Variants in BRAF observed in about 807,000 individuals in gnomAD.
BRAF encodes serine/threonine-protein kinase B-raf.
A neutral mutation model predicts 104.6 loss-of-function variants in BRAF; 16 were observed. The ratio of observed to expected loss-of-function variants is 0.15; its 90% confidence interval spans 0.10 to 0.23. BRAF has a LOEUF of 0.23. Among genes scored for constraint, BRAF ranks in the 10% least tolerant of loss-of-function variants. The probability of loss-of-function intolerance (pLI) is 1.00; values close to 1 mark genes in which losing one functional copy is unlikely to be tolerated. For synonymous variants in BRAF, 310 were observed against 341.6 expected, an observed-to-expected ratio of 0.91 and a Z score of 1.02; for missense variants, 541 against 937.3, an observed-to-expected ratio of 0.58 and a Z score of 5.52.
intron 1 of BRAF, among the ~76,000 whole-genome samples, chr7:140,875,071 A>G (rs1478814425): frequency 1.3e-5 from 2 of 152,164 alleles, no homozygotes; most frequent in Non-Finnish European, 2.9e-5. Flanking sequence ...CCATGAGCCA[A>G]CTGAATCTCT....
At chr7:140,770,090 T>C (rs1291698204) in intron 14 of BRAF, among the ~76,000 whole-genome samples, 1 of 152,206 alleles carries the variant, frequency 6.6e-6, no homozygotes, top group African/African-American at 2.4e-5. Context: ...CTCAGGCATT[T>C]TGCCAATTCC....
chr7:140,924,624 G>A lies in BRAF; in HGVS notation c.80C>T (p.Ala27Val), dbSNP rs1206505128. The A allele has an allele frequency of 1.3e-6, 2 of 1,520,870 alleles. No homozygotes were observed. The highest frequency in any genetic ancestry group is 2.5e-5 in the East Asian group (1 of 40,426). 94.2% of individuals were successfully genotyped at this position (1,520,870 alleles called of 1,614,324 possible). Residue 27 changes from alanine to valine, a missense_variant, in exon 1 of 20, where the codon GCC becomes GTC. By Grantham distance (64) the Ala-to-Val change is moderately conservative (BLOSUM62 0). This residue lies in a region of BRAF where 82 missense variants were observed against 65.9 expected (regional missense o/e 1.24). Transcript: ENST00000644969. The surrounding 1 kb of genome is among the most constrained non-coding windows in gnomAD (Gnocchi z 4.2). ...ALFNGDMEPE[A>V]GAGAGAAASS... ...GGCCGCGGCGCCGGCGCCGGCGCCGGCCTCGGGCTCCATGTCCCCGTTGAA... is the reference window on the plus strand; with the variant it reads ...GGCCGCGGCGCCGGCGCCGGCGCCGACCTCGGGCTCCATGTCCCCGTTGAA...
intron 5 of BRAF, among the ~76,000 whole-genome samples, chr7:140,804,405 T>TG (rs1803445425): frequency 2.0e-5 from 3 of 148,718 alleles, no homozygotes; most frequent in Admixed American, 6.6e-5. Context: ...GGTTTTTTTT[T>TG]TGGGGGGGGT....
intron 3 of BRAF, among the ~76,000 whole-genome samples, chr7:140,810,511 G>A (rs1332514792): frequency 6.6e-6 from 1 of 152,080 alleles, no homozygotes. Context: ...CAGAGGTTGC[G>A]GCAAGCCAAA....
At chr7:140,734,499 A>G (rs551449681) in intron 19 of BRAF, 5 of 1,602,982 alleles carry the variant, frequency 3.1e-6, no homozygotes, top group Admixed American at 3.3e-5. Flanking sequence ...CACCTTAAAA[A>G]AAAAGAGAGT....
At chr7:140,801,194 TA>T in intron 6 of BRAF, 1 of 522,352 alleles carries the variant, frequency 1.9e-6, no homozygotes, top group Admixed American at 3.6e-5. Context: ...AACGATAATA[TA>T]AAATATAAAT....
intron 3 of BRAF, among the ~76,000 whole-genome samples, chr7:140,830,885 C>T (rs751201382): frequency 2.6e-5 from 4 of 152,168 alleles, no homozygotes; most frequent in Non-Finnish European, 4.4e-5. Context: ...CTTGTAACAT[C>T]CTTTATAGCA....
At chr7:140,882,932 TGCA>T (rs1813109256) in intron 1 of BRAF, among the ~76,000 whole-genome samples, 1 of 151,744 alleles carries the variant, frequency 6.6e-6, no homozygotes, top group South Asian at 2.1e-4. Context: ...AGGCGGAGGC[TGCA>T]GTGAGCCAAG....
At chr7:140,829,103 T>C (rs1020010811) in intron 3 of BRAF, among the ~76,000 whole-genome samples, 7 of 152,210 alleles carry the variant, frequency 4.6e-5, no homozygotes, top group African/African-American at 1.7e-4. Context: ...AAGTGTTCTT[T>C]GTATATTCAG....
At chr7:140,740,118 C>T in intron 17 of BRAF, 172 bp from the exon 17 acceptor site, 1 of 668,646 alleles carries the variant, frequency 1.5e-6, no homozygotes, top group East Asian at 2.9e-5. Flanking sequence ...GTGGGAAACC[C>T]ACAAAAGGAG....
chr7:140,877,653 A>T (rs1812420534), intron 1 of BRAF, among the ~76,000 whole-genome samples: 2 of 152,142 alleles, frequency 1.3e-5, no homozygotes, highest in African/African-American at 4.8e-5. Flanking sequence ...CAATATCAGT[A>T]ATAAAAAAAC....
intron 5 of BRAF, among the ~76,000 whole-genome samples, chr7:140,804,352 A>C (rs1803437552): frequency 1.3e-5 from 2 of 150,234 alleles, no homozygotes; most frequent in East Asian, 3.9e-4. Context: ...CTATAGGCGC[A>C]CACCATCACA....
At chr7:140,842,203 G>T in intron 2 of BRAF, among the ~76,000 whole-genome samples, 1 of 152,186 alleles carries the variant, frequency 6.6e-6, no homozygotes, top group East Asian at 1.9e-4. Context: ...CGCATGGGCT[G>T]TAAATTCAGA....
chr7:140,725,881 C>G lies in BRAF; in HGVS notation c.*613G>C, dbSNP rs1795572964. ...CATGCCCTTTTCCTCCATACCAAGA[C>G]ACATCTACTCACCACTCAGCCTCCA... On this transcript the variant is annotated 3_prime_UTR_variant, in exon 20 of 20. Coordinates refer to ENST00000644969, the MANE Select transcript of BRAF (RefSeq NM_001374258.1). The G allele has an allele frequency of 9.4e-7, 1 of 1,062,440 alleles. No homozygotes were observed. 65.8% of individuals were successfully genotyped at this position (1,062,440 alleles called of 1,614,324 possible).
At chr7:140,718,844 C>G (rs1049739885), downstream of BRAF, among the ~76,000 whole-genome samples, 3 of 151,928 alleles carry the variant, frequency 2.0e-5, no homozygotes, top group Non-Finnish European at 4.4e-5. Flanking sequence ...ACTGAGGTAA[C>G]CAGCATAAAA....
In BRAF at chr7:140,863,348, T is replaced by C. The variant is rs969480381; in HGVS notation, c.139-13136A>G. On this transcript the variant is annotated intron_variant, in intron 1 of 19. Transcript: ENST00000644969. ...AAGTTAAAGATAGTGACTGTGGCTA[T>C]ATGGTAAGCAAGGGGAGAGTAGAAA... is the stretch of plus-strand genomic sequence containing the variant. Among the ~76,000 whole-genome samples the C allele has an allele frequency of 1.1e-4, 16 of 152,132 alleles. 1 individual carries two copies. The highest frequency in any genetic ancestry group is 3.4e-4 in the African/African-American group (14 of 41,402).
intron 17 of BRAF, among the ~76,000 whole-genome samples, chr7:140,744,867 A>G (rs1797225712): frequency 6.6e-6 from 1 of 152,202 alleles, no homozygotes; most frequent in Non-Finnish European, 1.5e-5. Context: ...CAACAAAAAC[A>G]TAATTCAGAA....
intron 5 of BRAF, among the ~76,000 whole-genome samples, chr7:140,807,530 GGAAAA>G (rs1180342164): frequency 6.6e-6 from 1 of 151,120 alleles, no homozygotes; most frequent in East Asian, 1.9e-4. Flanking sequence ...TTTAAGAAAG[GGAAAA>G]GAAAAGAAAG....
intron 5 of BRAF, among the ~76,000 whole-genome samples, chr7:140,802,085 TATATG>T (rs74274719): frequency 0.056 from 8,565 of 152,146 alleles, 281 homozygotes; most frequent in South Asian, 0.11. Flanking sequence ...CAGTAATCAG[TATATG>T]ATATCTAAAG....
Sources: gnomAD v4.1 joint callset for allele counts (sites outside exome capture counted in the v4.1 genomes callset) on GRCh38, gnomAD v4.1.1 for gene constraint, gnomAD v4.1.1 regional missense constraint, Gnocchi (gnomAD v3.1) non-coding constraint, MANE v1.5 for transcripts, NCBI Gene and HGNC (gene_info 2026-07-23, HGNC 2026-07-21) for gene names.